Variants in FRS2 observed in about 807,000 individuals in gnomAD.
The protein encoded by FRS2 is FGFR signalling adaptor.
A neutral mutation model predicts 43.9 loss-of-function variants in FRS2; 8 were observed. The ratio of observed to expected loss-of-function variants is 0.18; its 90% CI spans 0.11 to 0.33. FRS2 has a LOEUF of 0.33. FRS2 is among the 10% of genes least tolerant of loss of function. The pLI is 1.00. For synonymous variants in FRS2, 219 were observed against 220.3 expected, an observed-to-expected ratio of 0.99 and a Z score of 0.05; for missense variants, 534 against 627.6, an observed-to-expected ratio of 0.85 and a Z score of 1.59.
chr12:69,506,144 A>G, intron 1 of FRS2, among the ~76,000 whole-genome samples: 1 of 152,164 alleles, frequency 6.6e-6, no homozygotes, highest in Non-Finnish European at 1.5e-5. Context: ...CTTATATTGC[A>G]TAAATTTCTG....
rs76120655 is a variant in FRS2, at chr12:69,492,408, T to G, written c.-261+21878T>G. ...GTGATTCAGGTAAGTTGAGATGAAC[T>G]AGGTCTTGAAGGAGATGATGGAGAG... On this transcript the variant is annotated intron_variant, in intron 1 of 8. Coordinates refer to ENST00000549921, the MANE Select transcript of FRS2 (RefSeq NM_001278356.2). 3.3e-3 allele frequency among the ~76,000 whole-genome samples: 502 copies of G among 152,248 alleles called. 2 individuals carry two copies. The highest frequency in any genetic ancestry group is 0.012 in the African/African-American group (480 of 41,558).
intron 1 of FRS2, among the ~76,000 whole-genome samples, chr12:69,508,717 C>T (rs998747351): frequency 3.9e-5 from 6 of 152,136 alleles, no homozygotes; most frequent in African/African-American, 9.7e-5. Context: ...AGTCAGTTTC[C>T]GTTCTTTTAG....
chr12:69,482,365 G>C (rs568253227), intron 1 of FRS2, among the ~76,000 whole-genome samples: 1 of 152,118 alleles, frequency 6.6e-6, no homozygotes, highest in Non-Finnish European at 1.5e-5. Flanking sequence ...TTGATATTAC[G>C]GGAGTGTTGG....
rs749626131 is a variant in FRS2, at chr12:69,570,396, A to G, written c.132A>G (p.Glu44=). The G allele has an allele frequency of 5.6e-6, 9 of 1,613,676 alleles. No homozygotes were observed. In the South Asian group the frequency reaches 8.8e-5, roughly 16 times the overall value. The change falls in exon 6 of 9, where the codon GAA becomes GAG. Residue 44 remains glutamate (E), a synonymous_variant. Coordinates refer to ENST00000549921, the MANE Select transcript of FRS2 (RefSeq NM_001278356.2). The part of the protein sequence containing the change: ...GSGIMELTDT[E]LILYTRKRDS... ...GCATAATGGAACTTACAGACACAGA[A>G]CTGATTTTATACACCCGCAAACGTG...
In FRS2 at chr12:69,470,435, C is replaced by G. The variant is rs572229826; in HGVS notation, c.-356C>G. 14 of 398,420 alleles carry G rather than the reference C, an allele frequency of 3.5e-5. No homozygotes were observed. Among genetic ancestry groups the G allele is most frequent in the African/African-American group, 1.0e-4 (5 of 48,616 alleles). 24.7% of individuals were successfully genotyped at this position (398,420 alleles called of 1,614,324 possible). The stretch of plus-strand genomic sequence containing the variant: ...CCTTGTAGGCACAGCGGCTGAGACT[C>G]GATCTGCTCCAAGTAGGGGCTCCAG... On this transcript the variant is annotated 5_prime_UTR_variant, in exon 1 of 9. Transcript: ENST00000549921.
At chr12:69,572,068 TTC>T (rs1880808292) in intron 7 of FRS2, 48 bp from the exon 8 acceptor site, 1 of 1,466,912 alleles carries the variant, frequency 6.8e-7, no homozygotes, top group Non-Finnish European at 9.5e-7. Context: ...CTCATTTTTA[TTC>T]TCTCTGCCCC....
rs1296139900 is a variant in FRS2, at chr12:69,530,946, A to G, written c.-179A>G. On this transcript the variant is annotated 5_prime_UTR_variant, in exon 2 of 9. It removes an upstream start codon present in the reference 5' UTR. Transcript: ENST00000549921. ...TCATAAAGTAAGATGCAGCTGTGGC[A>G]TGTCAACCAGCTTGGTAAGTGTGGC... is the stretch of plus-strand genomic sequence containing the variant. 4 of 152,472 alleles carry G rather than the reference A, an allele frequency of 2.6e-5. No individual in the cohort carries two copies. The highest frequency in any genetic ancestry group is 3.9e-4 in the East Asian group (2 of 5,180). The allele number at this position is 152,472 out of a possible 1,614,324, so 9.4% of individuals were successfully genotyped here. A position where few individuals can be genotyped will look rare whatever the true frequency, so the allele number is the denominator to read the frequency against.
intron 1 of FRS2, among the ~76,000 whole-genome samples, chr12:69,488,308 T>C (rs1476433987): frequency 6.6e-6 from 1 of 152,172 alleles, no homozygotes; most frequent in African/African-American, 2.4e-5. Flanking sequence ...CCCCACCCTT[T>C]AGCAACCACC....
chr12:69,540,148 G>T (rs954243883), intron 3 of FRS2, among the ~76,000 whole-genome samples: 1 of 151,484 alleles, frequency 6.6e-6, no homozygotes, highest in African/African-American at 2.4e-5. Context: ...AGCTACTAGG[G>T]AGGCTGAGGC....
At chr12:69,510,765 A>G (rs1209956870) in intron 1 of FRS2, among the ~76,000 whole-genome samples, 2 of 152,218 alleles carry the variant, frequency 1.3e-5, no homozygotes, top group African/African-American at 2.4e-5. Context: ...TTAAATTAAT[A>G]CATCTAAAGT....
intron 1 of FRS2, among the ~76,000 whole-genome samples, chr12:69,489,966 ACC>A (rs1941158052): frequency 6.6e-6 from 1 of 151,518 alleles, no homozygotes; most frequent in Non-Finnish European, 1.5e-5. Context: ...TTAACAACAA[ACC>A]TTTGAGCTAT....
intron 6 of FRS2, among the ~76,000 whole-genome samples, 157 bp downstream of exon 6, chr12:69,570,674 A>G (rs189221320): frequency 1.2e-3 from 182 of 152,376 alleles, no homozygotes; most frequent in African/African-American, 4.2e-3. Context: ...TAATTTATCA[A>G]CTGTTTATTA....
chr12:69,494,115 T>C (rs892994641), intron 1 of FRS2, among the ~76,000 whole-genome samples: 6 of 152,222 alleles, frequency 3.9e-5, no homozygotes, highest in Non-Finnish European at 7.3e-5. Flanking sequence ...ATTTATACCT[T>C]ATTGTAATGG....
intron 3 of FRS2, among the ~76,000 whole-genome samples, chr12:69,557,619 T>TGTGCGCGCGCGCGCGCGCGC (rs1555192498): frequency 8.4e-6 from 1 of 118,966 alleles, no homozygotes; most frequent in Non-Finnish European, 1.9e-5. Flanking sequence ...TGTGTGTGTG[T>TGTGCGCGCGCGCGCGCGCGC]GCGCGCGCGC....
intron 1 of FRS2, among the ~76,000 whole-genome samples, chr12:69,511,030 A>G (rs1311167728): frequency 2.0e-5 from 3 of 152,192 alleles, no homozygotes; most frequent in Non-Finnish European, 4.4e-5. Flanking sequence ...AAAATACTGT[A>G]TTCTTTAAAT....
At chr12:69,482,061 TTCTA>T (rs1271350403) in intron 1 of FRS2, among the ~76,000 whole-genome samples, 3 of 151,676 alleles carry the variant, frequency 2.0e-5, no homozygotes, top group Non-Finnish European at 4.4e-5. Context: ...GTATAGTGCT[TTCTA>T]TATATATGTG....
chr12:69,491,143 T>C (rs1479960908), intron 1 of FRS2, among the ~76,000 whole-genome samples: 1 of 152,224 alleles, frequency 6.6e-6, no homozygotes, highest in African/African-American at 2.4e-5. Flanking sequence ...TCACCCTGGC[T>C]GGAGTGCAGT....
intron 1 of FRS2, among the ~76,000 whole-genome samples, chr12:69,501,964 TG>T (rs369490055): frequency 1.3e-4 from 17 of 128,630 alleles, no homozygotes; most frequent in East Asian, 4.9e-4. Context: ...TTTTTTGTTT[TG>T]TTTTTTTTGT....
At chr12:69,498,875 CTATTGTT>C (rs1797110849) in intron 1 of FRS2, among the ~76,000 whole-genome samples, 1 of 152,120 alleles carries the variant, frequency 6.6e-6, no homozygotes, top group Non-Finnish European at 1.5e-5. Context: ...AGTAATAACA[CTATTGTT>C]TATTGAGCTT....
Sources: gnomAD v4.1 joint callset for allele counts (sites outside exome capture counted in the v4.1 genomes callset) on GRCh38, gnomAD v4.1.1 for gene constraint, MANE v1.5 for transcripts, NCBI Gene and HGNC (gene_info 2026-07-23, HGNC 2026-07-21) for gene names.